MYO3A: variants seen among roughly 807,000 people sequenced by gnomAD.
MYO3A encodes the protein myosin-IIIa.
A neutral mutation model predicts 192.7 loss-of-function variants in MYO3A; 180 were observed. That is an observed-to-expected ratio of 0.93 (90% confidence interval 0.83 to 1.06). The LOEUF (loss-of-function observed/expected upper bound fraction) is 1.06. Among genes scored for constraint, MYO3A ranks in the 50% least tolerant of loss-of-function variants. The probability of loss-of-function intolerance (pLI) is 0.00; values close to 1 mark genes in which losing one functional copy is unlikely to be tolerated. For synonymous variants in MYO3A, 628 were observed against 645.3 expected, an observed-to-expected ratio of 0.97 and a Z score of 0.41; for missense variants, 1,896 against 1,905.0, an observed-to-expected ratio of 1.00 and a Z score of 0.09.
chr10:26,174,557 G>A lies in MYO3A; in HGVS notation c.4293G>A (p.Gln1431=), dbSNP rs1008902355. The A allele has an allele frequency of 5.1e-5, 83 of 1,611,674 alleles. No homozygotes were observed. The highest frequency in any genetic ancestry group is 6.6e-5 in the Non-Finnish European group (78 of 1,178,434). The change falls in exon 30 of 35, where the codon CAG becomes CAA. Residue 1431 remains glutamine (Q), a splice_region_variant and synonymous_variant. Transcript: ENST00000642920. The part of the protein sequence containing the change: ...EACGLAIFSK[Q]ISKLSEEYFI... The stretch of plus-strand genomic sequence containing the variant: ...GTGGTTTGGCAATTTTTTCAAAACA[G>A]GTATGTGAATAAATAAATTTATTTA...
rs78500917 is a variant in MYO3A at position 26,071,917 on chromosome 10, A to G, written c.1359+1516A>G. On this transcript the variant is annotated intron_variant, in intron 14 of 34. Coordinates refer to ENST00000642920, the MANE Select transcript of MYO3A (RefSeq NM_017433.5). The stretch of plus-strand genomic sequence containing the variant: ...TGTATTACTCCATTCTCACACTGCT[A>G]TAAAGAACTTTCCGAGACTGGGTAA... Among the ~76,000 whole-genome samples, 634 of 152,314 alleles carry G rather than the reference A, an allele frequency of 4.2e-3. 12 individuals are homozygous for G. In the East Asian group the frequency reaches 0.051, roughly 12 times the overall value.
intron 31 of MYO3A, among the ~76,000 whole-genome samples, chr10:26,179,604 T>C (rs1842516867): frequency 6.6e-6 from 1 of 152,212 alleles, no homozygotes; most frequent in Non-Finnish European, 1.5e-5. Context: ...ACTTACTGTA[T>C]GATGATGTGG....
chr10:26,018,894 A>T (rs115789173), intron 7 of MYO3A, among the ~76,000 whole-genome samples: 4 of 152,198 alleles, frequency 2.6e-5, no homozygotes, highest in African/African-American at 9.7e-5. Flanking sequence ...ATGGGGCAAA[A>T]GACATTATTT....
At chr10:26,096,306 A>G in intron 15 of MYO3A, 75 bp from the exon 16 acceptor site, 2 of 1,133,872 alleles carry the variant, frequency 1.8e-6, no homozygotes, top group South Asian at 1.4e-5. Context: ...CGTTGTTCAA[A>G]TAATTATATT....
intron 32 of MYO3A, among the ~76,000 whole-genome samples, chr10:26,196,333 A>G (rs577964681): frequency 7.9e-5 from 12 of 152,246 alleles, no homozygotes; most frequent in East Asian, 3.8e-4. Context: ...CTGAAGTGAA[A>G]TGTTATTACT....
intron 25 of MYO3A, 150 bp from the exon 26 acceptor site, chr10:26,157,160 A>G: frequency 1.4e-6 from 1 of 714,730 alleles, no homozygotes; most frequent in Non-Finnish European, 2.4e-6. Flanking sequence ...AATGTTCATT[A>G]AAACAGATTT....
At chr10:26,003,288 A>G (rs1345569996) in intron 6 of MYO3A, among the ~76,000 whole-genome samples, 1 of 152,230 alleles carries the variant, frequency 6.6e-6, no homozygotes, top group African/African-American at 2.4e-5. Context: ...TACACATAGT[A>G]GGTGCTTAAT....
At chr10:26,020,019 CT>C (rs147683142) in intron 7 of MYO3A, among the ~76,000 whole-genome samples, 10,054 of 152,226 alleles carry the variant, frequency 0.066, 412 homozygotes, top group Non-Finnish European at 0.094. Context: ...CAAACTAACT[CT>C]TAAGTTGAGA....
intron 17 of MYO3A, among the ~76,000 whole-genome samples, chr10:26,098,044 G>T (rs1204441677): frequency 6.6e-6 from 1 of 152,160 alleles, no homozygotes; most frequent in Non-Finnish European, 1.5e-5. Flanking sequence ...CAGTGTAAAA[G>T]TGTTCCTATT....
intron 10 of MYO3A, among the ~76,000 whole-genome samples, chr10:26,031,555 A>T (rs1022673093): frequency 1.3e-5 from 2 of 152,238 alleles, no homozygotes; most frequent in African/African-American, 4.8e-5. Context: ...TCTATGTGAG[A>T]GGCAGAGTCC....
chr10:25,973,945 A>G (rs1346255060), intron 4 of MYO3A, among the ~76,000 whole-genome samples: 1 of 152,234 alleles, frequency 6.6e-6, no homozygotes, highest in African/African-American at 2.4e-5. Context: ...TTAATGCAAG[A>G]TGGATTAAAG....
In MYO3A at chr10:26,021,511, A is replaced by G. The variant is rs757703053; in HGVS notation, c.594A>G (p.Ala198=). The change falls in exon 8 of 35, where the codon GCA becomes GCG. Residue 198 remains alanine, a synonymous_variant. Coordinates refer to ENST00000642920, the MANE Select transcript of MYO3A (RefSeq NM_017433.5). Reference sequence around the variant, plus strand: ...GTGTGGTTTTCTACTAGGTGATTGCATGTGAACAGCAATTGGATACCACTT... The same window carrying G: ...GTGTGGTTTTCTACTAGGTGATTGCGTGTGAACAGCAATTGGATACCACTT... ...TPFWMAPEVI[A]CEQQLDTTYD... is the part of the protein sequence containing the mutation. The G allele has an allele frequency of 6.2e-7, 1 of 1,614,080 alleles. No homozygotes were observed. Among genetic ancestry groups the G allele is most frequent in the Non-Finnish European group, 8.5e-7 (1 of 1,179,908 alleles).
chr10:26,135,017 C>T (rs1049416347), intron 20 of MYO3A, among the ~76,000 whole-genome samples: 4 of 152,240 alleles, frequency 2.6e-5, no homozygotes, highest in Admixed American at 2.0e-4. Context: ...ATAACATATC[C>T]AAGCAGTTGT....
chr10:26,026,409 C>G lies in MYO3A; in HGVS notation c.830C>G (p.Thr277Arg), dbSNP rs1437821847. The G allele has an allele frequency of 6.2e-7, 1 of 1,613,996 alleles. No individual in the cohort carries two copies. The highest frequency in any genetic ancestry group is 8.5e-7 in the Non-Finnish European group (1 of 1,179,996). ...CLTKDYEKRP[T>R]VSELLQHKFI... is the part of the protein sequence containing the mutation. The stretch of plus-strand genomic sequence containing the variant: ...ACTAAAGATTATGAAAAGCGTCCAA[C>G]AGTGTCAGAACTTTTACAGCATAAA... The change falls in exon 10 of 35, where the codon ACA (threonine) becomes AGA (arginine). Residue 277 changes from threonine to arginine, a missense_variant. Thr to Arg is a moderately conservative substitution (Grantham distance 71). Transcript: ENST00000642920.
At chr10:26,044,468 G>A (rs190077382) in intron 10 of MYO3A, among the ~76,000 whole-genome samples, 39 of 152,300 alleles carry the variant, frequency 2.6e-4, no homozygotes, top group African/African-American at 8.2e-4. Flanking sequence ...GGGGATGGGC[G>A]ATTCCCCCTG....
chr10:26,090,050 A>G (rs1217703753), intron 15 of MYO3A, among the ~76,000 whole-genome samples: 1 of 152,234 alleles, frequency 6.6e-6, no homozygotes, highest in African/African-American at 2.4e-5. Flanking sequence ...GTTGCCACCC[A>G]TAACTAGAAG....
intron 4 of MYO3A, among the ~76,000 whole-genome samples, chr10:25,989,495 C>T (rs1027618356): frequency 6.6e-6 from 1 of 152,042 alleles, no homozygotes; most frequent in Non-Finnish European, 1.5e-5. Context: ...CCTGTATAAC[C>T]TGAAAGAAGT....
intron 20 of MYO3A, among the ~76,000 whole-genome samples, chr10:26,132,743 A>G (rs1839614306): frequency 6.6e-6 from 1 of 152,026 alleles, no homozygotes; most frequent in Non-Finnish European, 1.5e-5. Flanking sequence ...TTAGACATGC[A>G]TCTATGGGTT....
At chr10:25,951,557 A>G (rs2130543813) in intron 2 of MYO3A, among the ~76,000 whole-genome samples, 1 of 152,314 alleles carries the variant, frequency 6.6e-6, no homozygotes, top group African/African-American at 2.4e-5. Flanking sequence ...TATATGAGAG[A>G]AGAGGCTGGA....
Sources: gnomAD v4.1 joint callset for allele counts (sites outside exome capture counted in the v4.1 genomes callset) on GRCh38, gnomAD v4.1.1 for gene constraint, MANE v1.5 for transcripts, NCBI Gene and HGNC (gene_info 2026-07-23, HGNC 2026-07-21) for gene names.